Variants in FRMPD4 observed in about 807,000 individuals in gnomAD.
FRMPD4 encodes FERM and PDZ domain containing 4.
Under a neutral mutation model 94.1 loss-of-function variants are expected in FRMPD4, and 22 were observed. The ratio of observed to expected loss-of-function variants is 0.23; its 90% CI spans 0.17 to 0.33. The LOEUF (loss-of-function observed/expected upper bound fraction) is 0.33, where lower values mean the gene tolerates loss of function less well. Ranked by LOEUF, FRMPD4 falls within the 10% of genes least tolerant of loss-of-function variation. The pLI, the probability that FRMPD4 is intolerant of heterozygous loss-of-function variation, is 1.00. For missense variants in FRMPD4, 1,111 were observed against 1,339.9 expected (o/e 0.83, Z 2.67); for synonymous variants, 631 against 548.6 (o/e 1.15, Z -2.10).
intron 1 of FRMPD4, among the ~76,000 whole-genome samples, chrX:12,380,039 A>G (rs191049635): frequency 3.9e-4 from 43 of 111,664 alleles, no homozygotes; most frequent in Non-Finnish European, 9.4e-5. Flanking sequence ...CTTCTAATGG[A>G]TTCCACTCTG....
intron 1 of FRMPD4, among the ~76,000 whole-genome samples, chrX:12,198,718 C>T (rs1422646184): frequency 8.9e-6 from 1 of 112,330 alleles, no homozygotes; most frequent in Non-Finnish European, 1.9e-5. Context: ...TTCCATTAGA[C>T]TTCGCAGACT....
intron 8 of FRMPD4, 87 bp downstream of exon 8, chrX:12,690,413 G>A: frequency 6.2e-6 from 5 of 800,851 alleles, no homozygotes; most frequent in Non-Finnish European, 8.9e-6. Flanking sequence ...CTCTAATCCT[G>A]TAAATGTATT....
chrX:12,660,205 A>C (rs1488698886), intron 4 of FRMPD4, among the ~76,000 whole-genome samples: 1 of 112,491 alleles, frequency 8.9e-6, no homozygotes, highest in Non-Finnish European at 1.9e-5. Context: ...GGTTATATGT[A>C]AGCGAGTTAA....
chrX:12,397,262 TAA>T (rs79137864), intron 1 of FRMPD4, among the ~76,000 whole-genome samples: 2 of 104,972 alleles, frequency 1.9e-5, no homozygotes, highest in African/African-American at 3.5e-5. Context: ...AACTTTTTTT[TAA>T]AAAAAAAAAT....
chrX:12,662,579 G>A (rs887892302), intron 4 of FRMPD4, among the ~76,000 whole-genome samples: 38 of 112,177 alleles, frequency 3.4e-4, no homozygotes, highest in East Asian at 5.6e-4. Flanking sequence ...TATGTGCCAC[G>A]TTTTCTTTAT....
chrX:11,898,285 A>G (rs760009944), intron 3 of FRMPD4, among the ~76,000 whole-genome samples: 2 of 111,722 alleles, frequency 1.8e-5, no homozygotes, highest in African/African-American at 6.5e-5. Flanking sequence ...TGTGTTAAGA[A>G]GACTCTATGG....
At chrX:12,163,996 G>C (rs192941346) in intron 1 of FRMPD4, among the ~76,000 whole-genome samples, 2 of 111,285 alleles carry the variant, frequency 1.8e-5, no homozygotes, top group African/African-American at 6.5e-5. Flanking sequence ...TGGTAGGATG[G>C]TGGGATTTTA....
intron 1 of FRMPD4, among the ~76,000 whole-genome samples, chrX:12,388,850 T>TATACACAC (rs1491368741): frequency 6.0e-4 from 44 of 73,462 alleles, no homozygotes; most frequent in Non-Finnish European, 1.0e-3. Context: ...TATATATATA[T>TATACACAC]ACACACAATG....
rs114626665 is a variant in FRMPD4 at position 11,983,289 on chromosome X, G to T, written c.95+105271G>T. On this transcript the variant is annotated intron_variant, in intron 3 of 18. Coordinates refer to the FRMPD4 transcript ENST00000640291. ...TTTTTATTCACATTTACACTAAGGGGTATAGCTTCTTAGTGAAAGGGTGGT... is the reference window on the plus strand; with the variant it reads ...TTTTTATTCACATTTACACTAAGGGTTATAGCTTCTTAGTGAAAGGGTGGT... Among the ~76,000 whole-genome samples the T allele has an allele frequency of 5.2e-3, 587 of 112,068 alleles. 10 individuals are homozygous for T. The highest frequency in any genetic ancestry group is 0.017 in the African/African-American group (534 of 30,902).
At chrX:11,930,103 G>A (rs1240493327) in intron 3 of FRMPD4, among the ~76,000 whole-genome samples, 2 of 26,113 alleles carry the variant, frequency 7.7e-5, no homozygotes, top group Admixed American at 1.4e-3. Context: ...GTGAGACTCT[G>A]TCTCAAAAAA....
At chrX:12,257,216 T>C (rs993343796) in intron 1 of FRMPD4, among the ~76,000 whole-genome samples, 2 of 112,186 alleles carry the variant, frequency 1.8e-5, no homozygotes, top group African/African-American at 3.2e-5. Flanking sequence ...TGATCTTTCC[T>C]TGCAAAGCCC....
At chrX:12,103,694 AAT>A (rs745876205) in intron 3 of FRMPD4, among the ~76,000 whole-genome samples, 8 of 111,969 alleles carry the variant, frequency 7.1e-5, no homozygotes, top group Non-Finnish European at 1.5e-4. Flanking sequence ...TGCAAAAGTA[AAT>A]ATATATATAA....
At chrX:12,063,225 C>T (rs2054897005) in intron 3 of FRMPD4, among the ~76,000 whole-genome samples, 1 of 111,153 alleles carries the variant, frequency 9.0e-6, no homozygotes, top group South Asian at 3.8e-4. Context: ...CAAAAATTAG[C>T]TGGTGTGGTG....
chrX:12,670,024 T>A (rs2059823047), intron 4 of FRMPD4, among the ~76,000 whole-genome samples: 1 of 112,341 alleles, frequency 8.9e-6, no homozygotes, highest in Non-Finnish European at 1.9e-5. Context: ...TCCAGGGCCT[T>A]GCCTGCTCCT....
chrX:11,923,671 T>C (rs946352090), intron 3 of FRMPD4, among the ~76,000 whole-genome samples: 3 of 112,326 alleles, frequency 2.7e-5, no homozygotes, highest in African/African-American at 6.5e-5. Flanking sequence ...AGTTGAGCCT[T>C]GACCTCTAAA....
intron 1 of FRMPD4, among the ~76,000 whole-genome samples, chrX:12,348,335 C>G (rs1003295582): frequency 9.7e-6 from 1 of 102,716 alleles, no homozygotes; most frequent in Non-Finnish European, 1.9e-5. Flanking sequence ...AAAGGAAACT[C>G]TCAGAGAAGC....
At chrX:12,575,139 A>G (rs889444599) in intron 2 of FRMPD4, among the ~76,000 whole-genome samples, 1 of 111,783 alleles carries the variant, frequency 8.9e-6, no homozygotes, top group African/African-American at 3.3e-5. Context: ...TTTGATGTAC[A>G]TGATTATTTG....
At chrX:12,677,754 T>G (rs2059914822) in intron 5 of FRMPD4, among the ~76,000 whole-genome samples, 1 of 112,036 alleles carries the variant, frequency 8.9e-6, no homozygotes, top group Non-Finnish European at 1.9e-5. Context: ...CCAGGGTACC[T>G]CAACATGACC....
At chrX:12,085,003 G>A (rs2055095815) in intron 3 of FRMPD4, among the ~76,000 whole-genome samples, 1 of 112,126 alleles carries the variant, frequency 8.9e-6, no homozygotes, top group Admixed American at 9.4e-5. Flanking sequence ...TGGATAAAAT[G>A]CCTATAGTCT....
Sources: allele counts gnomAD v4.1 joint callset (sites outside exome capture counted in the v4.1 genomes callset), GRCh38; gene constraint gnomAD v4.1.1; transcripts MANE v1.5; gene names NCBI Gene and HGNC (gene_info 2026-07-23, HGNC 2026-07-21).